Variants in LY86 observed in about 807,000 individuals in gnomAD.
The protein encoded by LY86 is lymphocyte antigen 86.
Under a neutral mutation model 17.3 loss-of-function variants are expected in LY86, and 20 were observed. The ratio of observed to expected loss-of-function variants is 1.15; its 90% CI spans 0.81 to 1.68. The LOEUF (loss-of-function observed/expected upper bound fraction) is 1.68. Ranked by LOEUF, LY86 falls within the 40% of genes most tolerant of loss-of-function variation. LY86 has a pLI of 0.00. For synonymous variants in LY86, 74 were observed against 70.6 expected (o/e 1.05, Z -0.24); for missense variants, 200 against 191.9 (o/e 1.04, Z -0.25).
chr6:6,605,670 G>A (rs112769713), intron 1 of LY86, among the ~76,000 whole-genome samples: 2,099 of 152,346 alleles, frequency 0.014, 49 homozygotes, highest in African/African-American at 0.047. Flanking sequence ...TGGAATTGAT[G>A]GGTTCTTCAT....
intron 1 of LY86, among the ~76,000 whole-genome samples, chr6:6,619,399 A>G (rs1561786394): frequency 6.6e-6 from 1 of 152,212 alleles, no homozygotes; most frequent in Non-Finnish European, 1.5e-5. Flanking sequence ...TTCTCTAGAG[A>G]ACCCTAACAC....
intron 1 of LY86, among the ~76,000 whole-genome samples, chr6:6,605,025 CTT>C (rs776903332): frequency 5.8e-5 from 8 of 139,072 alleles, no homozygotes; most frequent in Non-Finnish European, 9.6e-5. Flanking sequence ...AAGTAAAAGA[CTT>C]TGGAGAAAAA....
intron 1 of LY86, among the ~76,000 whole-genome samples, chr6:6,613,821 C>T (rs2113123798): frequency 6.6e-6 from 1 of 152,358 alleles, no homozygotes; most frequent in African/African-American, 2.4e-5. Context: ...CCTTACTTTC[C>T]CTGCCTGATG....
intron 3 of LY86, among the ~76,000 whole-genome samples, chr6:6,637,011 T>TTG (rs1554126152): frequency 6.8e-6 from 1 of 147,942 alleles, no homozygotes; most frequent in Non-Finnish European, 1.5e-5. Flanking sequence ...TTGGTTTTTT[T>TTG]TTTTTTTTTT....
At position 6,654,586 on chromosome 6, in the gene LY86, T is replaced by A; in HGVS notation, c.448T>A (p.Ser150Thr). 3 of 1,614,192 alleles carry A rather than the reference T, an allele frequency of 1.9e-6. No individual in the cohort carries two copies. Among genetic ancestry groups the A allele is most frequent in the Non-Finnish European group, 2.5e-6 (3 of 1,180,016 alleles). Residue 150 changes from serine (S) to threonine (T), a missense_variant, in exon 5 of 5, where the codon TCC becomes ACC. By Grantham distance (58) the Ser-to-Thr change is moderately conservative (BLOSUM62 1). Coordinates refer to ENST00000230568, the MANE Select transcript of LY86 (RefSeq NM_004271.4). ...VLLELYTEKRSTVACANATIM... is the reference protein window; with the variant it reads ...VLLELYTEKRTTVACANATIM... ...GCTGGAACTGTACACTGAAAAACGG[T>A]CCACCGTGGCCTGTGCCAATGCTAC...
At chr6:6,589,428 G>C (rs900844638) in intron 1 of LY86, among the ~76,000 whole-genome samples, 1 of 152,222 alleles carries the variant, frequency 6.6e-6, no homozygotes, top group African/African-American at 2.4e-5. Context: ...CTCAGTGCTA[G>C]AGATAATAAA....
At chr6:6,612,085 G>C (rs747955173) in intron 1 of LY86, among the ~76,000 whole-genome samples, 13 of 152,178 alleles carry the variant, frequency 8.5e-5, no homozygotes, top group Non-Finnish European at 1.8e-4. Context: ...AGCAAGATTT[G>C]AGAAGATCCA....
At chr6:6,610,958 G>A (rs1324341258) in intron 1 of LY86, among the ~76,000 whole-genome samples, 2 of 152,164 alleles carry the variant, frequency 1.3e-5, no homozygotes, top group African/African-American at 2.4e-5. Flanking sequence ...TATATAGGAA[G>A]AAGACAGAAG....
At chr6:6,623,200 C>T (rs976002325) in intron 1 of LY86, among the ~76,000 whole-genome samples, 2 of 152,052 alleles carry the variant, frequency 1.3e-5, no homozygotes, top group African/African-American at 4.8e-5. Flanking sequence ...AGAAAGGACC[C>T]CTGAAGGCTG....
chr6:6,601,237 G>A (rs1452553604), intron 1 of LY86, among the ~76,000 whole-genome samples: 1 of 152,130 alleles, frequency 6.6e-6, no homozygotes, highest in Admixed American at 6.5e-5. Flanking sequence ...TTCAGCATTT[G>A]GGAGAAGCAG....
At chr6:6,613,731 G>A (rs1483210592) in intron 1 of LY86, among the ~76,000 whole-genome samples, 13 of 152,382 alleles carry the variant, frequency 8.5e-5, no homozygotes, top group South Asian at 2.1e-4. Context: ...CCTCAAGCGC[G>A]GCCAGAGTGG....
At chr6:6,633,269 G>A (rs1268906056) in intron 3 of LY86, among the ~76,000 whole-genome samples, 2 of 152,076 alleles carry the variant, frequency 1.3e-5, no homozygotes, top group African/African-American at 2.4e-5. Context: ...TATTGTGTAG[G>A]GCCGTGGAGA....
chr6:6,647,796 G>T (rs1561793360), intron 3 of LY86, among the ~76,000 whole-genome samples: 1 of 152,050 alleles, frequency 6.6e-6, no homozygotes, highest in Non-Finnish European at 1.5e-5. Context: ...TATCTCCTTT[G>T]GGTGAGGGAG....
chr6:6,632,652 T>C (rs1761912400), intron 3 of LY86, among the ~76,000 whole-genome samples: 1 of 152,194 alleles, frequency 6.6e-6, no homozygotes, highest in Non-Finnish European at 1.5e-5. Context: ...ATCCCAGAAT[T>C]TCCTGACCAG....
intron 4 of LY86, 56 bp downstream of exon 4, chr6:6,649,733 A>G (rs1465149041): frequency 4.0e-6 from 4 of 1,006,880 alleles, no homozygotes; most frequent in Admixed American, 4.3e-5. Context: ...GAAGAAGAAG[A>G]AGGCTAGAAG....
chr6:6,641,970 A>G (rs1332615928), intron 3 of LY86, among the ~76,000 whole-genome samples: 1 of 152,206 alleles, frequency 6.6e-6, no homozygotes, highest in Admixed American at 6.5e-5. Flanking sequence ...TGTCCTTCTC[A>G]GGGTCAGGAG....
chr6:6,605,110 T>C (rs1034541881), intron 1 of LY86, among the ~76,000 whole-genome samples: 3 of 150,196 alleles, frequency 2.0e-5, no homozygotes, highest in African/African-American at 7.4e-5. Context: ...ACCCCAGAAG[T>C]CAGTTTTGAG....
At chr6:6,646,926 A>G (rs1450351040) in intron 3 of LY86, among the ~76,000 whole-genome samples, 1 of 152,154 alleles carries the variant, frequency 6.6e-6, no homozygotes, top group Non-Finnish European at 1.5e-5. Flanking sequence ...ACCTCAAAAA[A>G]AAGCACTCAA....
In LY86 at chr6:6,651,449, T is replaced by C. The variant is rs1017890062; in HGVS notation, c.405+1772T>C. On this transcript the variant is annotated intron_variant, in intron 4 of 4. Transcript: ENST00000230568. ...CCAGCCCTCTCCCTCTGGAAATCTCTAGTTTCCTCCTCAGGCCTTTCAGTA... is the reference window on the plus strand; with the variant it reads ...CCAGCCCTCTCCCTCTGGAAATCTCCAGTTTCCTCCTCAGGCCTTTCAGTA... 5.9e-5 allele frequency among the ~76,000 whole-genome samples: 9 copies of C among 152,302 alleles called. No individual in the cohort carries two copies. The South Asian group carries it at 1.0e-3, about 18-fold the overall frequency.
Sources: gnomAD v4.1 joint callset for allele counts (sites outside exome capture counted in the v4.1 genomes callset) on GRCh38, gnomAD v4.1.1 for gene constraint, MANE v1.5 for transcripts, NCBI Gene and HGNC (gene_info 2026-07-23, HGNC 2026-07-21) for gene names.